CRTAC1: variants seen among roughly 807,000 people sequenced by gnomAD.
CRTAC1 encodes the protein cartilage acidic protein 1.
In CRTAC1, 37 loss-of-function variants were observed where a neutral mutation model predicts 67.8. The observed-to-expected ratio is 0.55, with a 90% CI of 0.42 to 0.72. The LOEUF is 0.72. CRTAC1 is among the 30% of genes least tolerant of loss of function. The pLI is 0.00. For synonymous variants in CRTAC1, 348 were observed against 371.0 expected (o/e 0.94, Z 0.71); for missense variants, 780 against 931.6 (o/e 0.84, Z 2.12).
Position 97,895,191 on chromosome 10 carries a change from A to G in CRTAC1, c.1486+54T>C. On this transcript the variant is annotated intron_variant, in intron 11 of 14. Coordinates refer to ENST00000370597, the MANE Select transcript of CRTAC1 (RefSeq NM_018058.7). The surrounding 1 kb of genome is among the most constrained non-coding windows in gnomAD (Gnocchi z 4.2). Reference sequence around the variant, plus strand: ...AGGATGCTCGGGCTGTGAGTCCCTGAATCAGTCAGCATCCTGATAACAGCT... The same window carrying G: ...AGGATGCTCGGGCTGTGAGTCCCTGGATCAGTCAGCATCCTGATAACAGCT... The G allele has an allele frequency of 6.4e-7, 1 of 1,557,938 alleles. No homozygotes were observed. The highest frequency in any genetic ancestry group is 2.2e-5 in the East Asian group (1 of 44,502).
chr10:97,978,720 G>A (rs1311532823), intron 2 of CRTAC1, among the ~76,000 whole-genome samples: 2 of 151,992 alleles, frequency 1.3e-5, no homozygotes, highest in Non-Finnish European at 2.9e-5. Context: ...CCTTCAGAAG[G>A]GCCTTTCTGC....
chr10:97,944,717 A>G (rs1333263746), intron 2 of CRTAC1, among the ~76,000 whole-genome samples: 1 of 152,120 alleles, frequency 6.6e-6, no homozygotes, highest in African/African-American at 2.4e-5. Flanking sequence ...GTGATGTTGG[A>G]GCAGTTCTGA....
chr10:97,882,002 A>G (rs762767681), intron 13 of CRTAC1, among the ~76,000 whole-genome samples: 133 of 152,316 alleles, frequency 8.7e-4, no homozygotes, highest in Middle Eastern at 6.8e-3. Context: ...TGTGGTCGAC[A>G]GCTGTTTACT....
chr10:97,973,140 C>T (rs1021204770), intron 2 of CRTAC1, among the ~76,000 whole-genome samples: 1 of 152,134 alleles, frequency 6.6e-6, no homozygotes, highest in Non-Finnish European at 1.5e-5. Context: ...ATTTTTAACA[C>T]ATTTCTATAA....
At chr10:97,908,475 C>G (rs2050645164) in intron 5 of CRTAC1, among the ~76,000 whole-genome samples, 1 of 152,174 alleles carries the variant, frequency 6.6e-6, no homozygotes, top group South Asian at 2.1e-4. Context: ...TAATCCTAAA[C>G]CCAACTCTAA....
rs1392731987 is a variant in CRTAC1 at position 98,001,742 on chromosome 10, G to A, written c.224+9396C>T. Among the ~76,000 whole-genome samples the A allele has an allele frequency of 3.9e-5, 6 of 152,158 alleles. No individual in the cohort carries two copies. In the South Asian group the frequency reaches 6.2e-4, roughly 16 times the overall value. On this transcript the variant is annotated intron_variant, in intron 2 of 14. Transcript: ENST00000370597. ...GTACAAATCTGAAGTGGGAATGTTCGTTTTTAGCTTCCACACATCCATTTG... is the reference window on the plus strand; with the variant it reads ...GTACAAATCTGAAGTGGGAATGTTCATTTTTAGCTTCCACACATCCATTTG...
intron 1 of CRTAC1, among the ~76,000 whole-genome samples, chr10:98,014,008 C>T (rs548150389): frequency 3.3e-5 from 5 of 152,194 alleles, no homozygotes; most frequent in African/African-American, 4.8e-5. Flanking sequence ...ATGCACCCAC[C>T]GGGCTTCTCA....
At chr10:97,882,734 C>T (rs2050232226) in intron 13 of CRTAC1, 52 bp downstream of exon 13, 2 of 1,600,396 alleles carry the variant, frequency 1.2e-6, no homozygotes, top group Non-Finnish European at 1.7e-6. Flanking sequence ...CGGGCATTCC[C>T]CAGGGAGATT....
At chr10:98,005,519 A>G (rs1842773637) in intron 2 of CRTAC1, among the ~76,000 whole-genome samples, 1 of 151,990 alleles carries the variant, frequency 6.6e-6, no homozygotes, top group South Asian at 2.1e-4. Flanking sequence ...CACCACAACA[A>G]TTAAGACTGA....
intron 2 of CRTAC1, among the ~76,000 whole-genome samples, chr10:97,937,908 TC>T (rs2051114111): frequency 6.6e-6 from 1 of 152,208 alleles, no homozygotes; most frequent in Non-Finnish European, 1.5e-5. Context: ...TCCAGAGGGT[TC>T]CCAGCTGGTA....
chr10:97,905,849 A>G (rs2050603712), intron 6 of CRTAC1, among the ~76,000 whole-genome samples: 2 of 152,320 alleles, frequency 1.3e-5, no homozygotes, highest in East Asian at 3.9e-4. Flanking sequence ...ACCTGCTTAT[A>G]CTATCCACGG....
At chr10:97,901,790 C>A in intron 7 of CRTAC1, 151 bp from the exon 8 acceptor site, 1 of 841,712 alleles carries the variant, frequency 1.2e-6, no homozygotes. Context: ...CTGGGGGCTG[C>A]CTTTAGGACC....
chr10:97,879,325 G>A (rs765725783), intron 14 of CRTAC1, among the ~76,000 whole-genome samples: 2 of 152,254 alleles, frequency 1.3e-5, no homozygotes, highest in Non-Finnish European at 2.9e-5. Flanking sequence ...CGGATCAACC[G>A]GCAAGCAACC....
At position 98,030,346 on chromosome 10, in the gene CRTAC1, C is replaced by T. The variant is rs1194050357; in HGVS notation, c.24+103G>A. 1.4e-6 allele frequency: 1 copy of T among 721,168 alleles called. No homozygotes were observed. The highest frequency in any genetic ancestry group is 1.9e-6 in the Non-Finnish European group (1 of 512,980). 44.7% of individuals were successfully genotyped at this position (721,168 alleles called of 1,614,324 possible). On this transcript the variant is annotated intron_variant, in intron 1 of 14. Transcript: ENST00000370597. The surrounding 1 kb of genome is among the most constrained non-coding windows in gnomAD (Gnocchi z 4.2). ...CGCGATCCCAGTCTTCCCGGGTTCC[C>T]GGGCGGCGTCCCCGCCACCCTTGCG...
chr10:97,944,903 CT>C lies in CRTAC1; in HGVS notation c.225-8538del, dbSNP rs386746881. 4.1e-3 allele frequency among the ~76,000 whole-genome samples: 626 copies of C among 152,344 alleles called. 3 individuals carry two copies. Among genetic ancestry groups the C allele is most frequent in the African/African-American group, 0.014 (567 of 41,586 alleles). Reference sequence around the variant, plus strand: ...ATATGTGAGCAAGAACTTCTCAAATCTTCCAGCCTAGCTCACTGACAGCTGA... The same window carrying C: ...ATATGTGAGCAAGAACTTCTCAAATCTCCAGCCTAGCTCACTGACAGCTGA... On this transcript the variant is annotated intron_variant, in intron 2 of 14. Coordinates refer to ENST00000370597, the MANE Select transcript of CRTAC1 (RefSeq NM_018058.7).
intron 1 of CRTAC1, among the ~76,000 whole-genome samples, chr10:98,013,708 C>T (rs1842950016): frequency 6.6e-6 from 1 of 152,200 alleles, no homozygotes; most frequent in African/African-American, 2.4e-5. Context: ...AGACCTTCAA[C>T]AGTTTTTTCC....
intron 2 of CRTAC1, among the ~76,000 whole-genome samples, chr10:97,970,433 G>A (rs898523922): frequency 2.0e-5 from 3 of 152,164 alleles, no homozygotes. Context: ...AAGCCAGACT[G>A]AGCAACCTGT....
At chr10:98,028,585 T>C (rs540005233) in intron 1 of CRTAC1, among the ~76,000 whole-genome samples, 2 of 152,292 alleles carry the variant, frequency 1.3e-5, no homozygotes, top group African/African-American at 4.8e-5. Flanking sequence ...CCATAGGACG[T>C]CTTAACCAAA....
Position 98,029,485 on chromosome 10 carries a change from A to AGCGGCGGCGGCGGCGGCGGCGGCG in CRTAC1, c.24+963_24+964insCGCCGCCGCCGCCGCCGCCGCCGC, listed in dbSNP as rs1327277469. Among the ~76,000 whole-genome samples, 1 of 117,072 alleles carries AGCGGCGGCGGCGGCGGCGGCGGCG rather than the reference A, an allele frequency of 8.5e-6. No homozygotes were observed. The highest frequency in any genetic ancestry group is 1.9e-5 in the Non-Finnish European group (1 of 51,634). The allele number at this position is 117,072 out of a possible 152,430, so 76.8% of individuals were successfully genotyped here. On this transcript the variant is annotated intron_variant, in intron 1 of 14. Coordinates refer to ENST00000370597, the MANE Select transcript of CRTAC1 (RefSeq NM_018058.7). The surrounding 1 kb of genome is among the most constrained non-coding windows in gnomAD (Gnocchi z 4.7). The stretch of plus-strand genomic sequence containing the variant: ...AGCCACACTGGGTGCACCCACCAGC[A>AGCGGCGGCGGCGGCGGCGGCGGCG]GCAGCAGCGGCGGCGGCGGCGGCGG...
Sources: gnomAD v4.1 joint callset for allele counts (sites outside exome capture counted in the v4.1 genomes callset) on GRCh38, gnomAD v4.1.1 for gene constraint, Gnocchi (gnomAD v3.1) non-coding constraint, MANE v1.5 for transcripts, NCBI Gene and HGNC (gene_info 2026-07-23, HGNC 2026-07-21) for gene names.